MPI: variants seen among roughly 807,000 people sequenced by gnomAD.
MPI encodes the protein mannose phosphate isomerase, also known as mannose-6-phosphate isomerase.
A neutral mutation model predicts 40.1 loss-of-function variants in MPI; 33 were observed. That is an observed-to-expected ratio of 0.82 (90% CI 0.62 to 1.10). The LOEUF is 1.10. Among genes scored for constraint, MPI ranks in the 50% least tolerant of loss-of-function variants. The pLI is 0.00. For synonymous variants in MPI, 187 were observed against 207.4 expected, an observed-to-expected ratio of 0.90 and a Z score of 0.85; for missense variants, 514 against 524.1, an observed-to-expected ratio of 0.98 and a Z score of 0.19.
At chr15:74,896,876 T>C in intron 6 of MPI, 135 bp from the exon 7 acceptor site, 1 of 813,182 alleles carries the variant, frequency 1.2e-6, no homozygotes, top group Non-Finnish European at 2.1e-6. Flanking sequence ...CTTAACCCCA[T>C]TCTCCCAGAG....
intron 7 of MPI, 55 bp from the exon 8 acceptor site, chr15:74,897,457 G>A (rs1471880234): frequency 6.4e-7 from 1 of 1,564,656 alleles, no homozygotes; most frequent in Non-Finnish European, 8.8e-7. Flanking sequence ...CTGGGCCCAT[G>A]AGCTGATGAG....
chr15:74,900,468 C>T lies in MPI; in HGVS notation c.*2738C>T, dbSNP rs999048082. 1 of 152,296 alleles carries T rather than the reference C, an allele frequency of 6.6e-6. No individual in the cohort carries two copies. The highest frequency in any genetic ancestry group is 2.4e-5 in the African/African-American group (1 of 41,460). The allele number at this position is 152,296 out of a possible 1,614,324, so 9.4% of individuals were successfully genotyped here. On this transcript the variant is annotated 3_prime_UTR_variant, in exon 8 of 8. Coordinates refer to ENST00000352410, the MANE Select transcript of MPI (RefSeq NM_002435.3). The stretch of plus-strand genomic sequence containing the variant: ...CAGGCCATTCTGCCCTGACCACCTC[C>T]CCAACAGAGATGTAGGTCTATACTT...
chr15:74,894,093 T>TTTTCTGAGCCAGG (rs1567267212), intron 5 of MPI, among the ~76,000 whole-genome samples: 4 of 54,202 alleles, frequency 7.4e-5, no homozygotes, highest in African/African-American at 1.8e-4. Flanking sequence ...TGTGTGTGTG[T>TTTTCTGAGCCAGG]GTGTGTGTGT....
In MPI at chr15:74,896,157, G is replaced by C; in HGVS notation, c.676G>C (p.Ala226Pro). The change falls in exon 6 of 8, where the codon GCC becomes CCC. Residue 226 changes from alanine to proline, a missense_variant. By Grantham distance (27) the Ala-to-Pro change is conservative. Coordinates refer to ENST00000352410, the MANE Select transcript of MPI (RefSeq NM_002435.3). ...LVKRISQQAA[A>P]GNNMEDIFGE... Reference sequence around the variant, plus strand: ...GGGTGCTCTGTGACCCTCAGCGGCTGCCGGAAACAACATGGAGGACATCTT... The same window carrying C: ...GGGTGCTCTGTGACCCTCAGCGGCTCCCGGAAACAACATGGAGGACATCTT... The C allele has an allele frequency of 6.2e-7, 1 of 1,614,050 alleles. No individual in the cohort carries two copies. The highest frequency in any genetic ancestry group is 8.5e-7 in the Non-Finnish European group (1 of 1,180,022).
chr15:74,902,023 G>A lies in MPI; in HGVS notation c.*4293G>A, dbSNP rs1376004650. Reference sequence around the variant, plus strand: ...AGCCAGGATCCTGCTGTATCATTAAGCAACCTGCTATGATCCCTGTCATAG... The same window carrying A: ...AGCCAGGATCCTGCTGTATCATTAAACAACCTGCTATGATCCCTGTCATAG... On this transcript the variant is annotated 3_prime_UTR_variant, in exon 8 of 8. Coordinates refer to ENST00000352410, the MANE Select transcript of MPI (RefSeq NM_002435.3). 5.0e-6 allele frequency: 2 copies of A among 398,092 alleles called. No individual in the cohort carries two copies. The highest frequency in any genetic ancestry group is 8.9e-6 in the Non-Finnish European group (2 of 225,926). The allele number at this position is 398,092 out of a possible 1,614,324, so 24.7% of individuals were successfully genotyped here. A position where few individuals can be genotyped will look rare whatever the true frequency, so the allele number is the denominator to read the frequency against.
rs2064873984 is a variant in MPI at position 74,899,520 on chromosome 15, C to T, written c.*1790C>T. 1 of 152,164 alleles carries T rather than the reference C, an allele frequency of 6.6e-6. No individual in the cohort carries two copies. The highest frequency in any genetic ancestry group is 1.5e-5 in the Non-Finnish European group (1 of 68,036). The allele number at this position is 152,164 out of a possible 1,614,324, so 9.4% of individuals were successfully genotyped here. A position where few individuals can be genotyped will look rare whatever the true frequency, so the allele number is the denominator to read the frequency against. On this transcript the variant is annotated 3_prime_UTR_variant, in exon 8 of 8. Transcript: ENST00000352410. ...CTCATGCCGTCCAGTGAAACAGGCC[C>T]GAAAGTGATGCCCAGTGGGAACAGC...
rs188595875 is a variant in MPI, at chr15:74,891,324, A to C, written c.145-55A>C. The C allele has an allele frequency of 3.8e-6, 6 of 1,560,076 alleles. No individual in the cohort carries two copies. The East Asian group carries it at 1.3e-4, about 35-fold the overall frequency. Reference sequence around the variant, plus strand: ...CAGCATAACGGATTGGGACAGGCCAACTCAGGGTGGCAGGTTTCTTCCCCC... The same window carrying C: ...CAGCATAACGGATTGGGACAGGCCACCTCAGGGTGGCAGGTTTCTTCCCCC... On this transcript the variant is annotated intron_variant, in intron 2 of 7. Coordinates refer to ENST00000352410, the MANE Select transcript of MPI (RefSeq NM_002435.3).
Position 74,897,521 on chromosome 15 carries a change from T to C in MPI, c.1063T>C (p.Ser355Pro). The C allele has an allele frequency of 6.2e-7, 1 of 1,614,002 alleles. No homozygotes were observed. Among genetic ancestry groups the C allele is most frequent in the Admixed American group, 1.7e-5 (1 of 60,016 alleles). ...FTIMKTEVPG[S>P]VTEYKVLALD... ...ATTTCTTCCTGCCCAGGTCCCTGGC[T>C]CTGTCACTGAATACAAGGTCTTGGC... Residue 355 changes from serine (S) to proline (P), a missense_variant, in exon 8 of 8, where the codon TCT (serine) becomes CCT (proline). Transcript: ENST00000352410.
In MPI at chr15:74,893,312, C is replaced by G. The variant is rs760911969; in HGVS notation, c.662C>G (p.Ser221Cys). The G allele has an allele frequency of 2.2e-5, 35 of 1,614,090 alleles. No homozygotes were observed. Among genetic ancestry groups the G allele is most frequent in the Middle Eastern group, 1.6e-4 (1 of 6,084 alleles). ...CTCAACCTGTTGGTGAAGCGGATCT[C>G]CCAGCAAGGTGGACACAGTTATATT... ...EQLNLLVKRI[S>C]QQAAAGNNME... The change falls in exon 5 of 8, where the codon TCC becomes TGC. Residue 221 changes from serine to cysteine, a missense_variant. Physicochemically the swap from Ser to Cys is moderately radical, Grantham distance 112. Coordinates refer to ENST00000352410, the MANE Select transcript of MPI (RefSeq NM_002435.3).
In MPI at chr15:74,900,789, ACTC is replaced by A. The variant is rs2064922497; in HGVS notation, c.*3060_*3062del. The stretch of plus-strand genomic sequence containing the variant: ...CTTCCCAAGACCCCAAGCTGGCATG[ACTC>A]TGGTCTCTGTCCTATCTCTCTGCTG... On this transcript the variant is annotated 3_prime_UTR_variant, in exon 8 of 8. Coordinates refer to ENST00000352410, the MANE Select transcript of MPI (RefSeq NM_002435.3). 6.6e-6 allele frequency: 1 copy of A among 152,138 alleles called. No homozygotes were observed. Among genetic ancestry groups the A allele is most frequent in the South Asian group, 2.1e-4 (1 of 4,822 alleles). The allele number at this position is 152,138 out of a possible 1,614,324, so 9.4% of individuals were successfully genotyped here. A position where few individuals can be genotyped will look rare whatever the true frequency, so the allele number is the denominator to read the frequency against.
intron 4 of MPI, 94 bp downstream of exon 4, chr15:74,892,896 G>T (rs868461870): frequency 4.4e-6 from 7 of 1,594,642 alleles, no homozygotes; most frequent in Middle Eastern, 1.7e-4. Flanking sequence ...CGGGTCACAT[G>T]TCACAGGAAC....
In MPI at chr15:74,900,640, G is replaced by A. The variant is rs542838387; in HGVS notation, c.*2910G>A. On this transcript the variant is annotated 3_prime_UTR_variant, in exon 8 of 8. Coordinates refer to ENST00000352410, the MANE Select transcript of MPI (RefSeq NM_002435.3). The stretch of plus-strand genomic sequence containing the variant: ...AGGCCTGGACATGGTCTCTGCAGAT[G>A]GGGAAGGGGTTCTGGATGGAGATGT... The A allele has an allele frequency of 6.6e-6, 1 of 152,380 alleles. No individual in the cohort carries two copies. Among genetic ancestry groups the A allele is most frequent in the South Asian group, 2.1e-4 (1 of 4,828 alleles). 9.4% of individuals were successfully genotyped at this position (152,380 alleles called of 1,614,324 possible). A position where few individuals can be genotyped will look rare whatever the true frequency, so the allele number is the denominator to read the frequency against.
intron 2 of MPI, chr15:74,890,948 TTAACC>T (rs757088856): frequency 6.9e-6 from 4 of 579,632 alleles, no homozygotes; most frequent in South Asian, 6.5e-5. Flanking sequence ...TGCATTTTTA[TTAACC>T]TAAAATATTT....
rs2064832183 is a variant in MPI at position 74,897,204 on chromosome 15, C to T, written c.1038C>T (p.Thr346=). ...SIYDPPVPDF[T]IMKTEVPGSV... is the part of the protein sequence containing the mutation. Reference sequence around the variant, plus strand: ...ATGACCCCCCTGTACCAGACTTCACCATTATGAAGACGGAGGTGAGTGAGG... The same window carrying T: ...ATGACCCCCCTGTACCAGACTTCACTATTATGAAGACGGAGGTGAGTGAGG... Residue 346 remains threonine, a synonymous_variant, in exon 7 of 8, where the codon ACC becomes ACT. Transcript: ENST00000352410. 4 of 1,614,008 alleles carry T rather than the reference C, an allele frequency of 2.5e-6. No individual in the cohort carries two copies. The highest frequency in any genetic ancestry group is 3.4e-6 in the Non-Finnish European group (4 of 1,180,002).
intron 1 of MPI, 69 bp from the exon 2 acceptor site, chr15:74,890,458 C>T: frequency 6.2e-7 from 1 of 1,609,492 alleles, no homozygotes. Flanking sequence ...CAGCTCTTGC[C>T]TGGTTTCCCG....
At position 74,897,514 on chromosome 15, in the gene MPI, C is replaced by A; in HGVS notation, c.1056C>A (p.Val352=). 6.2e-7 allele frequency: 1 copy of A among 1,613,902 alleles called. No homozygotes were observed. The highest frequency in any genetic ancestry group is 8.5e-7 in the Non-Finnish European group (1 of 1,179,856). ...VPDFTIMKTE[V]PGSVTEYKVL... ...CCTTATCATTTCTTCCTGCCCAGGT[C>A]CCTGGCTCTGTCACTGAATACAAGG... The change falls in exon 8 of 8, where the codon GTC becomes GTA. Residue 352 remains valine, a splice_region_variant and synonymous_variant. Coordinates refer to ENST00000352410, the MANE Select transcript of MPI (RefSeq NM_002435.3).
At position 74,891,428 on chromosome 15, in the gene MPI, G is replaced by C. The variant is rs768931867; in HGVS notation, c.194G>C (p.Arg65Pro). The C allele has an allele frequency of 6.2e-7, 1 of 1,614,182 alleles. No homozygotes were observed. The highest frequency in any genetic ancestry group is 2.2e-5 in the East Asian group (1 of 44,890). ...GGGGATGCCAAGATCCTTGACAACC[G>C]CATCTCACAGAAGACCCTAAGCCAG... is the stretch of plus-strand genomic sequence containing the variant. ...PRGDAKILDN[R>P]ISQKTLSQWI... Residue 65 changes from arginine to proline, a missense_variant, in exon 3 of 8, where the codon CGC (arginine) becomes CCC (proline). By Grantham distance (103) the Arg-to-Pro change is moderately radical. Transcript: ENST00000352410.
rs561678676 is a variant in MPI, at chr15:74,896,143, G to C, written c.671-9G>C. 1 of 1,613,856 alleles carries C rather than the reference G, an allele frequency of 6.2e-7. No individual in the cohort carries two copies. The highest frequency in any genetic ancestry group is 1.3e-5 in the African/African-American group (1 of 75,016). On this transcript the variant is annotated splice_polypyrimidine_tract_variant and intron_variant, in intron 5 of 7. Coordinates refer to ENST00000352410, the MANE Select transcript of MPI (RefSeq NM_002435.3). ...CCTAAGTGACCTTGGGGTGCTCTGT[G>C]ACCCTCAGCGGCTGCCGGAAACAAC...
chr15:74,891,204 G>A (rs2064720991), intron 2 of MPI, among the ~76,000 whole-genome samples, 175 bp from the exon 3 acceptor site: 1 of 152,228 alleles, frequency 6.6e-6, no homozygotes, highest in South Asian at 2.1e-4. Flanking sequence ...ACAAGGGCCT[G>A]GGTCTACTGC....
Sources: allele counts gnomAD v4.1 joint callset (sites outside exome capture counted in the v4.1 genomes callset), GRCh38; gene constraint gnomAD v4.1.1; transcripts MANE v1.5; gene names NCBI Gene and HGNC (gene_info 2026-07-23, HGNC 2026-07-21).